Variants in SYNDIG1 observed in about 807,000 individuals in gnomAD.
SYNDIG1 encodes synapse differentiation-inducing gene protein 1.
In SYNDIG1, 9 loss-of-function variants were observed where a neutral mutation model predicts 19.4. The ratio of observed to expected loss-of-function variants is 0.46; its 90% CI spans 0.28 to 0.81. The LOEUF (loss-of-function observed/expected upper bound fraction) is 0.81. Ranked by LOEUF, SYNDIG1 falls within the 30% of genes least tolerant of loss-of-function variation. The probability of loss-of-function intolerance (pLI) is 0.12; values close to 1 mark genes in which losing one functional copy is unlikely to be tolerated. For missense variants in SYNDIG1, 311 were observed against 343.3 expected, an observed-to-expected ratio of 0.91 and a Z score of 0.74; for synonymous variants, 141 against 145.9, an observed-to-expected ratio of 0.97 and a Z score of 0.24.
At chr20:24,523,657 G>C (rs554603463) in intron 1 of SYNDIG1, among the ~76,000 whole-genome samples, 1 of 152,248 alleles carries the variant, frequency 6.6e-6, no homozygotes, top group South Asian at 2.1e-4. Context: ...GTAAAATGAC[G>C]GGAAATTTTG....
At chr20:24,493,390 A>C (rs1734887311) in intron 1 of SYNDIG1, among the ~76,000 whole-genome samples, 1 of 152,150 alleles carries the variant, frequency 6.6e-6, no homozygotes, top group African/African-American at 2.4e-5. Flanking sequence ...GGACACACAC[A>C]GACATGCACG....
At chr20:24,542,901 C>T in intron 1 of SYNDIG1, 119 bp from the exon 2 acceptor site, 2 of 762,460 alleles carry the variant, frequency 2.6e-6, no homozygotes, top group Non-Finnish European at 4.1e-6. Context: ...TTATCTAACT[C>T]TCACAGTTAC....
intron 3 of SYNDIG1, among the ~76,000 whole-genome samples, chr20:24,636,192 G>T (rs750069268): frequency 6.6e-6 from 1 of 152,184 alleles, no homozygotes; most frequent in Non-Finnish European, 1.5e-5. Context: ...TCATGAGAAA[G>T]CTTAACTTCT....
At chr20:24,592,447 T>C (rs1227764197) in intron 3 of SYNDIG1, among the ~76,000 whole-genome samples, 1 of 152,116 alleles carries the variant, frequency 6.6e-6, no homozygotes, top group African/African-American at 2.4e-5. Context: ...AAGACATTGC[T>C]CAGAGAGTGT....
intron 3 of SYNDIG1, among the ~76,000 whole-genome samples, chr20:24,663,272 T>A (rs376944373): frequency 3.3e-5 from 5 of 152,182 alleles, no homozygotes; most frequent in African/African-American, 1.2e-4. Flanking sequence ...ACACACCACA[T>A]TCCCTAGGTT....
rs192418179 is a variant in SYNDIG1, at chr20:24,555,495, G to T, written c.480+11918G>T. On this transcript the variant is annotated intron_variant, in intron 2 of 3. Coordinates refer to ENST00000376862, the MANE Select transcript of SYNDIG1 (RefSeq NM_024893.3). ...CTTTGAATGTGTCCCAGAGACTCTG[G>T]TATGTTGTGTCTTTGTTCTCGTTGG... Among the ~76,000 whole-genome samples, 15 of 152,124 alleles carry T rather than the reference G, an allele frequency of 9.9e-5. No homozygotes were observed. In the East Asian group the frequency reaches 2.9e-3, roughly 29 times the overall value.
Position 24,662,197 on chromosome 20 carries a change from G to A in SYNDIG1, c.619-3149G>A, listed in dbSNP as rs1010632766. ...TAAAGCACGTTTGTTCTGGCTGTCC[G>A]TCCTCTGCTTGTGTAACTTTTATTT... On this transcript the variant is annotated intron_variant, in intron 3 of 3. Coordinates refer to ENST00000376862, the MANE Select transcript of SYNDIG1 (RefSeq NM_024893.3). Among the ~76,000 whole-genome samples the A allele has an allele frequency of 1.3e-4, 19 of 151,666 alleles. No homozygotes were observed. The Middle Eastern group carries it at 0.017, about 136-fold the overall frequency.
intron 2 of SYNDIG1, among the ~76,000 whole-genome samples, chr20:24,543,780 C>T (rs1023475635): frequency 2.0e-5 from 3 of 152,142 alleles, no homozygotes; most frequent in Non-Finnish European, 4.4e-5. Flanking sequence ...AACAGAAACC[C>T]AGGGGCGCTT....
intron 1 of SYNDIG1, among the ~76,000 whole-genome samples, chr20:24,489,846 C>T (rs566244713): frequency 6.6e-6 from 1 of 152,362 alleles, no homozygotes; most frequent in Non-Finnish European, 1.5e-5. Flanking sequence ...ACCAGAAGTT[C>T]TGATCACAGC....
In SYNDIG1 at chr20:24,660,443, G is replaced by T. The variant is rs565393976; in HGVS notation, c.619-4903G>T. On this transcript the variant is annotated intron_variant, in intron 3 of 3. Transcript: ENST00000376862. ...GGCCTTGCTGGAGGGTCCATGTACA[G>T]CATGTTCTAAGCATGGGTTGGGCAT... 9.8e-5 allele frequency among the ~76,000 whole-genome samples: 15 copies of T among 152,306 alleles called. 1 individual carries two copies. The South Asian group carries it at 2.9e-3, about 29-fold the overall frequency.
intron 2 of SYNDIG1, among the ~76,000 whole-genome samples, chr20:24,579,490 T>TA (rs2058287494): frequency 6.6e-6 from 1 of 152,222 alleles, no homozygotes; most frequent in African/African-American, 2.4e-5. Flanking sequence ...CTTTCTAAGA[T>TA]GGAGTCACTT....
chr20:24,651,778 T>C (rs1330798908), intron 3 of SYNDIG1, among the ~76,000 whole-genome samples: 1 of 152,240 alleles, frequency 6.6e-6, no homozygotes, highest in Non-Finnish European at 1.5e-5. Context: ...AGTGATGTTC[T>C]GAGTCTCCTG....
chr20:24,545,728 G>A (rs2057563151), intron 2 of SYNDIG1, among the ~76,000 whole-genome samples: 1 of 152,108 alleles, frequency 6.6e-6, no homozygotes, highest in Non-Finnish European at 1.5e-5. Context: ...AGACTTCTGG[G>A]GAGGTAACCT....
At chr20:24,608,642 C>T (rs1376308682) in intron 3 of SYNDIG1, among the ~76,000 whole-genome samples, 1 of 152,150 alleles carries the variant, frequency 6.6e-6, no homozygotes, top group Non-Finnish European at 1.5e-5. Context: ...ACGCTGATCT[C>T]ACGGATGAGA....
intron 3 of SYNDIG1, among the ~76,000 whole-genome samples, chr20:24,591,900 G>A (rs1183368160): frequency 6.6e-6 from 1 of 152,212 alleles, no homozygotes; most frequent in Non-Finnish European, 1.5e-5. Context: ...GGAAATCATA[G>A]TCTTGCTTTT....
Position 24,508,410 on chromosome 20 carries a change from G to A in SYNDIG1, c.-78-34610G>A, listed in dbSNP as rs557117916. Among the ~76,000 whole-genome samples, 43 of 151,278 alleles carry A rather than the reference G, an allele frequency of 2.8e-4. No individual in the cohort carries two copies. In the East Asian group the frequency reaches 7.6e-3, roughly 27 times the overall value. Reference sequence around the variant, plus strand: ...CGCCCAGCTAATTTTTGTATTTTTAGTAGAGACGGAGTTTCACCATGTTGG... The same window carrying A: ...CGCCCAGCTAATTTTTGTATTTTTAATAGAGACGGAGTTTCACCATGTTGG... On this transcript the variant is annotated intron_variant, in intron 1 of 3. Transcript: ENST00000376862.
chr20:24,569,060 A>G (rs1209460199), intron 2 of SYNDIG1, among the ~76,000 whole-genome samples: 2 of 152,220 alleles, frequency 1.3e-5, no homozygotes, highest in Non-Finnish European at 2.9e-5. Flanking sequence ...GTGTCCCTCG[A>G]GAGCCCGCCC....
chr20:24,634,037 A>T (rs770702767), intron 3 of SYNDIG1, among the ~76,000 whole-genome samples: 2 of 152,230 alleles, frequency 1.3e-5, no homozygotes, highest in Non-Finnish European at 2.9e-5. Flanking sequence ...AGTGTACTCA[A>T]CTTGGAAAAC....
intron 1 of SYNDIG1, among the ~76,000 whole-genome samples, chr20:24,488,347 G>A (rs1055118906): frequency 1.3e-5 from 2 of 152,224 alleles, no homozygotes; most frequent in Non-Finnish European, 2.9e-5. Flanking sequence ...TTTCCCATTT[G>A]TGCACACATA....
Sources: allele counts gnomAD v4.1 joint callset (sites outside exome capture counted in the v4.1 genomes callset), GRCh38; gene constraint gnomAD v4.1.1; transcripts MANE v1.5; gene names NCBI Gene and HGNC (gene_info 2026-07-23, HGNC 2026-07-21).